Variants in KCNIP1 observed in about 807,000 individuals in gnomAD.
The protein encoded by KCNIP1 is A-type potassium channel modulatory protein KCNIP1.
Under a neutral mutation model 33.0 loss-of-function variants are expected in KCNIP1, and 18 were observed. The ratio of observed to expected loss-of-function variants is 0.55; its 90% CI spans 0.38 to 0.81. The LOEUF is 0.81. Among genes scored for constraint, KCNIP1 ranks in the 30% least tolerant of loss-of-function variants. KCNIP1 has a pLI of 0.00. For missense variants in KCNIP1, 238 were observed against 271.6 expected (o/e 0.88, Z 0.87); for synonymous variants, 93 against 98.3 (o/e 0.95, Z 0.32).
At chr5:170,465,932 G>A (rs1455279773) in intron 1 of KCNIP1, among the ~76,000 whole-genome samples, 1 of 152,194 alleles carries the variant, frequency 6.6e-6, no homozygotes, top group Non-Finnish European at 1.5e-5. Flanking sequence ...TCCAACAGGG[G>A]GAGGGTCAGA....
At chr5:170,396,300 C>T (rs904973889) in intron 1 of KCNIP1, among the ~76,000 whole-genome samples, 8 of 152,128 alleles carry the variant, frequency 5.3e-5, no homozygotes, top group African/African-American at 1.9e-4. Context: ...CTGGGGAGAC[C>T]CTCAGGGAAG....
chr5:170,635,027 A>ATTAT (rs1219765056), intron 1 of KCNIP1, among the ~76,000 whole-genome samples: 3 of 151,962 alleles, frequency 2.0e-5, no homozygotes, highest in East Asian at 1.9e-4. Context: ...TCTTTTATTT[A>ATTAT]TTATTTATTT....
chr5:170,384,870 GT>G (rs555787032), intron 1 of KCNIP1, among the ~76,000 whole-genome samples: 86 of 152,346 alleles, frequency 5.6e-4, no homozygotes, highest in African/African-American at 2.0e-3. Flanking sequence ...TGTATGTTCA[GT>G]GAGGCAAGGA....
intron 2 of KCNIP1, among the ~76,000 whole-genome samples, chr5:170,719,183 T>C (rs956246205): frequency 3.3e-5 from 5 of 152,026 alleles, no homozygotes; most frequent in African/African-American, 1.2e-4. Flanking sequence ...AATCATACCT[T>C]CCAACCTGGT....
At position 170,663,446 on chromosome 5, in the gene KCNIP1, C is replaced by A. The variant is rs531588552; in HGVS notation, c.62-55312C>A. On this transcript the variant is annotated intron_variant, in intron 1 of 7. Coordinates refer to ENST00000328939, the MANE Select transcript of KCNIP1 (RefSeq NM_014592.4). ...AGGTGCCTCTCCCCCAGCAGCTGCA[C>A]CAGGCCAGCTGAGGGGGATTTTAGC... Among the ~76,000 whole-genome samples, 6 of 152,254 alleles carry A rather than the reference C, an allele frequency of 3.9e-5. No individual in the cohort carries two copies. The South Asian group carries it at 1.2e-3, about 32-fold the overall frequency.
rs1302431248 is a variant in KCNIP1, at chr5:170,504,020, G to T, written c.-553G>T. 5 of 967,290 alleles carry T rather than the reference G, an allele frequency of 5.2e-6. No individual in the cohort carries two copies. The highest frequency in any genetic ancestry group is 4.8e-5 in the South Asian group (1 of 20,820). The allele number at this position is 967,290 out of a possible 1,614,324, so 59.9% of individuals were successfully genotyped here. A position where few individuals can be genotyped will look rare whatever the true frequency, so the allele number is the denominator to read the frequency against. ...CCTCCGCCGCCCCCTCCGCCGCTCC[G>T]ACTCTCGCCCCGAGCGCTGGCAGCA... On this transcript the variant is annotated 5_prime_UTR_variant, in exon 1 of 8. Coordinates refer to ENST00000328939, the MANE Select transcript of KCNIP1 (RefSeq NM_014592.4). This position sits in a 1 kb window ranked among gnomAD's most constrained non-coding sequence, Gnocchi z 6.0.
intron 1 of KCNIP1, among the ~76,000 whole-genome samples, chr5:170,533,765 T>C (rs970079929): frequency 8.5e-5 from 13 of 152,188 alleles, no homozygotes; most frequent in African/African-American, 3.1e-4. Flanking sequence ...TCAAGACTTG[T>C]GTGAACCAAT....
At chr5:170,410,225 G>A (rs1167793281) in intron 1 of KCNIP1, among the ~76,000 whole-genome samples, 1 of 152,132 alleles carries the variant, frequency 6.6e-6, no homozygotes, top group Non-Finnish European at 1.5e-5. Flanking sequence ...GGGGATTGCA[G>A]ACATAGCATG....
rs113647810 is a variant in KCNIP1, at chr5:170,668,238, G to C, written c.62-50520G>C. 3.3e-5 allele frequency among the ~76,000 whole-genome samples: 5 copies of C among 152,354 alleles called. 1 individual carries two copies. The highest frequency in any genetic ancestry group is 1.2e-4 in the African/African-American group (5 of 41,590). On this transcript the variant is annotated intron_variant, in intron 1 of 7. Coordinates refer to ENST00000328939, the MANE Select transcript of KCNIP1 (RefSeq NM_014592.4). The stretch of plus-strand genomic sequence containing the variant: ...AGCTGTGCAGCCAGGCTCCTGGCCA[G>C]GGAGGGCAGATAAGGAGGGGAGGCA...
At chr5:170,513,896 C>A (rs1370020542) in intron 1 of KCNIP1, among the ~76,000 whole-genome samples, 1 of 152,048 alleles carries the variant, frequency 6.6e-6, no homozygotes, top group Non-Finnish European at 1.5e-5. Flanking sequence ...GGGGATCCCC[C>A]AAAAAAGTAA....
At chr5:170,525,164 T>G (rs1252444410) in intron 1 of KCNIP1, among the ~76,000 whole-genome samples, 1 of 152,216 alleles carries the variant, frequency 6.6e-6, no homozygotes, top group East Asian at 1.9e-4. Context: ...CCAGCTGTCC[T>G]GGGCTTTGGA....
chr5:170,415,237 C>T (rs1156333414), intron 1 of KCNIP1, among the ~76,000 whole-genome samples: 1 of 152,096 alleles, frequency 6.6e-6, no homozygotes, highest in Non-Finnish European at 1.5e-5. Flanking sequence ...CTGATTTCTT[C>T]CTGCTTTTGT....
At chr5:170,646,092 T>C (rs1437107488) in intron 1 of KCNIP1, among the ~76,000 whole-genome samples, 2 of 152,206 alleles carry the variant, frequency 1.3e-5, no homozygotes, top group Admixed American at 6.5e-5. Context: ...TTACAGAAAT[T>C]GAATCAATAA....
At chr5:170,694,596 G>T (rs1762830343) in intron 1 of KCNIP1, among the ~76,000 whole-genome samples, 1 of 152,106 alleles carries the variant, frequency 6.6e-6, no homozygotes, top group African/African-American at 2.4e-5. Context: ...TAATAGCCAA[G>T]CACTAATAAT....
intron 1 of KCNIP1, among the ~76,000 whole-genome samples, chr5:170,546,340 C>A (rs1440752253): frequency 6.6e-6 from 1 of 152,216 alleles, no homozygotes; most frequent in Non-Finnish European, 1.5e-5. Flanking sequence ...TTCATTCCAA[C>A]CTTCCATCCT....
intron 1 of KCNIP1, among the ~76,000 whole-genome samples, chr5:170,367,347 GA>G (rs36006713): frequency 4.9e-5 from 4 of 81,468 alleles, no homozygotes; most frequent in Non-Finnish European, 1.0e-4. Context: ...AAGAAGGAAA[GA>G]AAAAGAAAGA....
At chr5:170,579,086 C>G (rs986168744) in intron 1 of KCNIP1, among the ~76,000 whole-genome samples, 2 of 152,190 alleles carry the variant, frequency 1.3e-5, no homozygotes, top group African/African-American at 4.8e-5. Context: ...GTAGAGGTAG[C>G]TGAGTCAGGA....
intron 1 of KCNIP1, among the ~76,000 whole-genome samples, chr5:170,678,205 C>G (rs1318888940): frequency 6.6e-6 from 1 of 152,216 alleles, no homozygotes; most frequent in Non-Finnish European, 1.5e-5. Context: ...GTATCTTTCA[C>G]AAATGCCAAA....
intron 1 of KCNIP1, among the ~76,000 whole-genome samples, chr5:170,537,185 G>T (rs1386818513): frequency 1.3e-5 from 2 of 152,158 alleles, no homozygotes; most frequent in Admixed American, 1.3e-4. Flanking sequence ...AGAAAGGATT[G>T]TGCTGAGTAG....
Sources: allele counts gnomAD v4.1 joint callset (sites outside exome capture counted in the v4.1 genomes callset), GRCh38; gene constraint gnomAD v4.1.1; non-coding constraint Gnocchi (gnomAD v3.1); transcripts MANE v1.5; gene names NCBI Gene and HGNC (gene_info 2026-07-23, HGNC 2026-07-21).